The following UTP20 variants were observed in gnomAD, a reference collection of about 807,000 sequenced individuals.
UTP20 encodes the protein small subunit processome component 20 homolog.
In UTP20, 164 loss-of-function variants were observed where a neutral mutation model predicts 329.5. The observed-to-expected ratio is 0.50, with a 90% confidence interval of 0.44 to 0.57. The LOEUF (loss-of-function observed/expected upper bound fraction) is 0.57. UTP20 is among the 20% of genes least tolerant of loss of function. The probability of loss-of-function intolerance (pLI) is 0.00; values close to 1 mark genes in which losing one functional copy is unlikely to be tolerated. For missense variants in UTP20, 3,055 were observed against 3,284.2 expected (o/e 0.93, Z 1.71); for synonymous variants, 1,151 against 1,159.3 (o/e 0.99, Z 0.14).
chr12:101,299,958 C>A lies in UTP20; in HGVS notation c.1587-15C>A. On this transcript the variant is annotated splice_polypyrimidine_tract_variant and intron_variant, in intron 13 of 61. Coordinates refer to ENST00000261637, the MANE Select transcript of UTP20 (RefSeq NM_014503.3). The stretch of plus-strand genomic sequence containing the variant: ...TGCCAGTTTGAACTTTTCCCTTTTT[C>A]TCCCCCTTGGACAGACCTCTTGAGA... 1 of 1,611,434 alleles carries A rather than the reference C, an allele frequency of 6.2e-7. No homozygotes were observed. Among genetic ancestry groups the A allele is most frequent in the South Asian group, 1.1e-5 (1 of 90,328 alleles).
rs1869086684 is a variant in UTP20, at chr12:101,340,529, C to T, written c.4020C>T (p.Ser1340=). 3 of 1,600,920 alleles carry T rather than the reference C, an allele frequency of 1.9e-6. No homozygotes were observed. Among genetic ancestry groups the T allele is most frequent in the Non-Finnish European group, 2.6e-6 (3 of 1,172,812 alleles). ...SKELGILSKI[S]KFMKDKEQSS... ...CCGTTTTTTCCTTCTTTAGGATCAG[C>T]AAGTTTATGAAAGACAAAGAACAAA... The change falls in exon 32 of 62, where the codon AGC becomes AGT. Residue 1340 remains serine, a synonymous_variant. Coordinates refer to ENST00000261637, the MANE Select transcript of UTP20 (RefSeq NM_014503.3).
rs1278262401 is a variant in UTP20 at position 101,386,226 on chromosome 12, T to C, written c.*103T>C. On this transcript the variant is annotated 3_prime_UTR_variant, in exon 62 of 62. Transcript: ENST00000261637. ...AGGGGGGAGGCGTTTTTTTTTTTTT[T>C]TGAGACAAGGTCTCACTCTGTCACC... The C allele has an allele frequency of 3.5e-5, 39 of 1,109,522 alleles. No homozygotes were observed. The East Asian group carries it at 9.1e-4, about 26-fold the overall frequency. The allele number at this position is 1,109,522 out of a possible 1,614,324, so 68.7% of individuals were successfully genotyped here.
intron 5 of UTP20, 69 bp downstream of exon 5, chr12:101,286,578 C>G: frequency 7.6e-7 from 1 of 1,317,864 alleles, no homozygotes; most frequent in Non-Finnish European, 1.0e-6. Flanking sequence ...CTTTATGACT[C>G]CAAACCACTT....
intron 43 of UTP20, among the ~76,000 whole-genome samples, chr12:101,359,295 G>T (rs1293587155): frequency 6.6e-6 from 1 of 152,004 alleles, no homozygotes; most frequent in Non-Finnish European, 1.5e-5. Flanking sequence ...CAAATTCCTG[G>T]CCTCAAGAGA....
chr12:101,288,899 T>G (rs1056673471), intron 5 of UTP20, 61 bp from the exon 6 acceptor site: 1 of 1,410,190 alleles, frequency 7.1e-7, no homozygotes, highest in African/African-American at 1.4e-5. Flanking sequence ...TGTTGACATG[T>G]AGTATGTATT....
Position 101,361,226 on chromosome 12 carries a change from G to T in UTP20, c.5692-736G>T, listed in dbSNP as rs553560016. Among the ~76,000 whole-genome samples, 35 of 152,170 alleles carry T rather than the reference G, an allele frequency of 2.3e-4. 1 individual carries two copies. The South Asian group carries it at 7.1e-3, about 31-fold the overall frequency. On this transcript the variant is annotated intron_variant, in intron 43 of 61. Transcript: ENST00000261637. ...AGAAAACATCAGCTTGATTTTTGTT[G>T]GGTGCAAAAACTTGTTTCCTTCATA...
At chr12:101,318,851 G>C (rs199995716) in intron 22 of UTP20, among the ~76,000 whole-genome samples, 2 of 89,756 alleles carry the variant, frequency 2.2e-5, no homozygotes, top group African/African-American at 9.4e-5. Flanking sequence ...AAAAAAAAAA[G>C]ACCCAGGGAA....
At chr12:101,378,308 G>C (rs948570191) in intron 56 of UTP20, among the ~76,000 whole-genome samples, 10 of 152,114 alleles carry the variant, frequency 6.6e-5, no homozygotes, top group African/African-American at 2.2e-4. Flanking sequence ...CCCTGTCCCT[G>C]GCATATAGAA....
Position 101,285,889 on chromosome 12 carries a change from G to A in UTP20, c.326+8G>A, listed in dbSNP as rs770475781. On this transcript the variant is annotated splice_region_variant and intron_variant, in intron 4 of 61. Transcript: ENST00000261637. ...CTATCAACCCCTTTTGGAGTAAGTAGCATCTTGAGAGAAAGCTCACAACTA... is the reference window on the plus strand; with the variant it reads ...CTATCAACCCCTTTTGGAGTAAGTAACATCTTGAGAGAAAGCTCACAACTA... 1 of 1,611,830 alleles carries A rather than the reference G, an allele frequency of 6.2e-7. No individual in the cohort carries two copies. The highest frequency in any genetic ancestry group is 1.1e-5 in the South Asian group (1 of 90,700).
intron 1 of UTP20, 103 bp from the exon 2 acceptor site, chr12:101,281,013 T>C: frequency 1.0e-6 from 1 of 954,866 alleles, no homozygotes; most frequent in East Asian, 2.6e-5. Flanking sequence ...TTTTTCCACT[T>C]ATCCTTTGTG....
chr12:101,334,192 A>C (rs896658806), intron 28 of UTP20, among the ~76,000 whole-genome samples: 3 of 152,208 alleles, frequency 2.0e-5, no homozygotes, highest in African/African-American at 7.2e-5. Flanking sequence ...GAAACCTAAA[A>C]TACCATTTCC....
Position 101,286,307 on chromosome 12 carries a change from T to C in UTP20, c.327-14T>C. The C allele has an allele frequency of 6.4e-7, 1 of 1,552,674 alleles. No homozygotes were observed. The highest frequency in any genetic ancestry group is 2.3e-5 in the East Asian group (1 of 44,166). ...AAAAATCCACATGATCAGTTGCTTC[T>C]TTTTTTAATCCAGTTTGGTTGTACA... is the stretch of plus-strand genomic sequence containing the variant. On this transcript the variant is annotated splice_polypyrimidine_tract_variant and intron_variant, in intron 4 of 61. Coordinates refer to ENST00000261637, the MANE Select transcript of UTP20 (RefSeq NM_014503.3).
At position 101,343,022 on chromosome 12, in the gene UTP20, A is replaced by G. The variant is rs773936722; in HGVS notation, c.4378A>G (p.Ile1460Val). 1 of 1,613,578 alleles carries G rather than the reference A, an allele frequency of 6.2e-7. No homozygotes were observed. The highest frequency in any genetic ancestry group is 8.5e-7 in the Non-Finnish European group (1 of 1,179,606). Residue 1460 changes from isoleucine to valine, a missense_variant, in exon 35 of 62, where the codon ATT (isoleucine) becomes GTT (valine). Physicochemically the swap from Ile to Val is conservative, Grantham distance 29 (BLOSUM62 3). Transcript: ENST00000261637. ...GACTTTCCAGACCATCACCTCTTAC[A>G]TTAAAGAAATGCAAATTGTGGATGT... is the stretch of plus-strand genomic sequence containing the variant. ...FETFQTITSY[I>V]KEMQIVDVNY...
At position 101,285,881 on chromosome 12, in the gene UTP20, A is replaced by G. The variant is rs368079018; in HGVS notation, c.326A>G (p.Asp109Gly). The G allele has an allele frequency of 8.6e-5, 139 of 1,612,560 alleles. No homozygotes were observed. Among genetic ancestry groups the G allele is most frequent in the Non-Finnish European group, 1.2e-4 (137 of 1,179,602 alleles). ...KNSFAYQPLL[D>G]LVVQLARDLQ... The stretch of plus-strand genomic sequence containing the variant: ...AGTTTTGCCTATCAACCCCTTTTGG[A>G]GTAAGTAGCATCTTGAGAGAAAGCT... The change falls in exon 4 of 62, where the codon GAT becomes GGT. Residue 109 changes from aspartate (D) to glycine (G), a missense_variant and splice_region_variant. Around this residue, in one of 3 missense-constraint regions of UTP20, gnomAD observed 2,445 missense variants for 2,575.5 expected, o/e 0.95. Transcript: ENST00000261637.
chr12:101,353,183 T>A, intron 40 of UTP20, 54 bp downstream of exon 40: 1 of 1,252,064 alleles, frequency 8.0e-7, no homozygotes, highest in Non-Finnish European at 1.1e-6. Context: ...TTGGATAGTG[T>A]ATGGTAATTA....
At chr12:101,345,758 C>T (rs1203453435) in intron 37 of UTP20, 64 bp downstream of exon 37, 3 of 1,425,092 alleles carry the variant, frequency 2.1e-6, no homozygotes, top group African/African-American at 1.4e-5. Flanking sequence ...ACAGTTCTAC[C>T]TCATTTGGAA....
In UTP20 at chr12:101,369,816, C is replaced by T. The variant is rs1245006176; in HGVS notation, c.6480C>T (p.Phe2160=). 6.2e-7 allele frequency: 1 copy of T among 1,613,914 alleles called. No homozygotes were observed. Among genetic ancestry groups the T allele is most frequent in the African/African-American group, 1.3e-5 (1 of 74,896 alleles). ...TKAEQLTKHL[F]LLLKDYAKLG... ...CAGAGCAGCTGACAAAACACCTCTT[C>T]CTTCTGCTGAAGGACTATGCAAAGC... Residue 2160 remains phenylalanine, a synonymous_variant, in exon 49 of 62, where the codon TTC becomes TTT. Coordinates refer to ENST00000261637, the MANE Select transcript of UTP20 (RefSeq NM_014503.3).
chr12:101,312,525 T>G (rs1872829064), intron 21 of UTP20, among the ~76,000 whole-genome samples: 1 of 152,238 alleles, frequency 6.6e-6, no homozygotes, highest in Non-Finnish European at 1.5e-5. Context: ...CACTGCAACC[T>G]TCACCTCCCA....
At chr12:101,372,672 T>C (rs1307378885) in intron 51 of UTP20, among the ~76,000 whole-genome samples, 2 of 152,246 alleles carry the variant, frequency 1.3e-5, no homozygotes, top group South Asian at 2.1e-4. Flanking sequence ...GTCAGGCACA[T>C]AGGGCAGGAC....
Sources: allele counts gnomAD v4.1 joint callset (sites outside exome capture counted in the v4.1 genomes callset), GRCh38; gene constraint gnomAD v4.1.1; regional missense constraint gnomAD v4.1.1; transcripts MANE v1.5; gene names NCBI Gene and HGNC (gene_info 2026-07-23, HGNC 2026-07-21).